GLIPR1L2: variants seen among roughly 807,000 people sequenced by gnomAD.
The protein encoded by GLIPR1L2 is GLIPR1-like protein 2.
In GLIPR1L2, 21 loss-of-function variants were observed where a neutral mutation model predicts 28.4. The ratio of observed to expected loss-of-function variants is 0.74; its 90% CI spans 0.52 to 1.06. The LOEUF (loss-of-function observed/expected upper bound fraction) is 1.06, where lower values mean the gene tolerates loss of function less well. GLIPR1L2 is among the 50% of genes least tolerant of loss of function. GLIPR1L2 has a pLI of 0.00. For synonymous variants in GLIPR1L2, 145 were observed against 139.3 expected (o/e 1.04, Z -0.29); for missense variants, 476 against 416.9 (o/e 1.14, Z -1.23).
At chr12:75,422,798 A>C in intron 3 of GLIPR1L2, 106 bp from the exon 4 acceptor site, 3 of 869,392 alleles carry the variant, frequency 3.5e-6, no homozygotes, top group Non-Finnish European at 5.3e-6. Flanking sequence ...CCAGTTTCTT[A>C]ACCCGCCTTT....
rs961184977 is a variant in GLIPR1L2 at position 75,432,590 on chromosome 12, C to T, written c.*1429C>T. ...ATGGTATAAATGCTATGTGTATTTA[C>T]TCTGTTGTTCTTTAGTTGTATCAAT... On this transcript the variant is annotated 3_prime_UTR_variant, in exon 6 of 6. Transcript: ENST00000550916. The T allele has an allele frequency of 6.6e-6, 1 of 151,360 alleles. No homozygotes were observed. The highest frequency in any genetic ancestry group is 2.4e-5 in the African/African-American group (1 of 41,262). 9.4% of individuals were successfully genotyped at this position (151,360 alleles called of 1,614,324 possible).
At chr12:75,405,675 C>G (rs2045790731) in intron 1 of GLIPR1L2, among the ~76,000 whole-genome samples, 1 of 152,116 alleles carries the variant, frequency 6.6e-6, no homozygotes, top group Middle Eastern at 3.2e-3. Flanking sequence ...AACCCACTTT[C>G]ATGAGAACAG....
Position 75,431,058 on chromosome 12 carries a change from AGGAAAT to A in GLIPR1L2, c.945_950del (p.Met315_Glu316del), listed in dbSNP as rs759382251. On this transcript the variant is annotated inframe_deletion, in exon 6 of 6. Transcript: ENST00000550916. Reference sequence around the variant, plus strand: ...AAAGAGGAAGAGAAGAAAGAGAAAGAGGAAATGGAAATGGAAATAATGGAAATGGAG... The same window carrying A: ...AAAGAGGAAGAGAAGAAAGAGAAAGAGGAAATGGAAATAATGGAAATGGAG... 2.8e-6 allele frequency: 4 copies of A among 1,447,934 alleles called. No homozygotes were observed. Among genetic ancestry groups the A allele is most frequent in the East Asian group, 2.5e-5 (1 of 40,536 alleles). 89.7% of individuals were successfully genotyped at this position (1,447,934 alleles called of 1,614,324 possible). A position where few individuals can be genotyped will look rare whatever the true frequency, so the allele number is the denominator to read the frequency against.
At chr12:75,396,077 C>T (rs767981631) in intron 1 of GLIPR1L2, among the ~76,000 whole-genome samples, 14 of 152,078 alleles carry the variant, frequency 9.2e-5, no homozygotes, top group Non-Finnish European at 2.1e-4. Context: ...GTTGTGTTTT[C>T]ATTTTCATTT....
intron 1 of GLIPR1L2, among the ~76,000 whole-genome samples, chr12:75,405,456 C>T (rs1055231204): frequency 3.3e-5 from 5 of 152,184 alleles, no homozygotes; most frequent in African/African-American, 1.2e-4. Flanking sequence ...CCACCCTGAG[C>T]TTCCACAGCC....
At chr12:75,428,350 G>A (rs2046054957) in intron 4 of GLIPR1L2, among the ~76,000 whole-genome samples, 1 of 152,118 alleles carries the variant, frequency 6.6e-6, no homozygotes, top group South Asian at 2.1e-4. Flanking sequence ...GTATCTGGCA[G>A]GAGAAATTTC....
At chr12:75,412,924 A>G (rs2045884053) in intron 2 of GLIPR1L2, among the ~76,000 whole-genome samples, 1 of 152,130 alleles carries the variant, frequency 6.6e-6, no homozygotes, top group Non-Finnish European at 1.5e-5. Flanking sequence ...TATTCACAAT[A>G]GCAAAGACTT....
Position 75,413,658 on chromosome 12 carries a change from C to T in GLIPR1L2, c.541C>T (p.His181Tyr). 6.4e-7 allele frequency: 1 copy of T among 1,558,924 alleles called. No homozygotes were observed. The highest frequency in any genetic ancestry group is 1.2e-5 in the South Asian group (1 of 80,126). The change falls in exon 3 of 6, where the codon CAT becomes TAT. Residue 181 changes from histidine to tyrosine, a missense_variant. By Grantham distance (83) the His-to-Tyr change is moderately conservative (BLOSUM62 2). Transcript: ENST00000550916. ...TGTTACTCCATGTTCAAAAATTGGA[C>T]ATATTATACATGCAGCAATTTTCAT... Reference protein sequence around the residue: ...CAVTPCSKIGHIIHAAIFICN... With the variant: ...CAVTPCSKIGYIIHAAIFICN...
At chr12:75,413,810 ATACTT>A (rs1356810007) in intron 3 of GLIPR1L2, 109 bp downstream of exon 3, 3 of 492,530 alleles carry the variant, frequency 6.1e-6, no homozygotes, top group Admixed American at 7.7e-5. Flanking sequence ...TAAAATAAAT[ATACTT>A]TACATTGAAA....
chr12:75,413,596 A>G lies in GLIPR1L2; in HGVS notation c.481-2A>G, dbSNP rs1167677130. 6.6e-7 allele frequency: 1 copy of G among 1,524,350 alleles called. No homozygotes were observed. The highest frequency in any genetic ancestry group is 8.8e-7 in the Non-Finnish European group (1 of 1,132,680). The allele number at this position is 1,524,350 out of a possible 1,614,324, so 94.4% of individuals were successfully genotyped here. A position where few individuals can be genotyped will look rare whatever the true frequency, so the allele number is the denominator to read the frequency against. On this transcript the variant is annotated splice_acceptor_variant, in intron 2 of 5. Coordinates refer to ENST00000550916, the MANE Select transcript of GLIPR1L2 (RefSeq NM_001270396.2). LOFTEE classifies it high-confidence loss of function. The stretch of plus-strand genomic sequence containing the variant: ...GTGTCTTTCTTGAAAATTTTATTTT[A>G]GCTTGTTTGGGACCACTCTTACAAA...
intron 2 of GLIPR1L2, 115 bp downstream of exon 2, chr12:75,410,794 A>G: frequency 1.3e-6 from 1 of 779,248 alleles, no homozygotes. Flanking sequence ...CACATTTAAT[A>G]AGATCACAAT....
At position 75,406,776 on chromosome 12, in the gene GLIPR1L2, AG is replaced by A. The variant is rs1566068070; in HGVS notation, c.235-3657del. On this transcript the variant is annotated intron_variant, in intron 1 of 5. Transcript: ENST00000550916. ...CTATCTCAAAAAAAAAAAAAAAAAG[AG>A]AGAGAGAGAGAAAGAGAGAGAGAGA... is the stretch of plus-strand genomic sequence containing the variant. 2.8e-3 allele frequency among the ~76,000 whole-genome samples: 329 copies of A among 119,308 alleles called. 4 individuals are homozygous for A. Among genetic ancestry groups the A allele is most frequent in the Middle Eastern group, 4.8e-3 (1 of 210 alleles). 78.3% of individuals were successfully genotyped at this position (119,308 alleles called of 152,430 possible).
chr12:75,407,560 G>C (rs1199205093), intron 1 of GLIPR1L2, among the ~76,000 whole-genome samples: 1 of 151,998 alleles, frequency 6.6e-6, no homozygotes, highest in African/African-American at 2.4e-5. Context: ...AAATGTCAGG[G>C]AAAATTGTGA....
intron 3 of GLIPR1L2, among the ~76,000 whole-genome samples, chr12:75,419,554 C>T (rs983712824): frequency 3.3e-5 from 5 of 152,020 alleles, no homozygotes; most frequent in Admixed American, 2.6e-4. Flanking sequence ...GTTTCAGGTG[C>T]CAAAGTCTTC....
At chr12:75,414,035 T>C (rs189789679) in intron 3 of GLIPR1L2, among the ~76,000 whole-genome samples, 1 of 152,164 alleles carries the variant, frequency 6.6e-6, no homozygotes, top group East Asian at 1.9e-4. Flanking sequence ...TGTGTTGAAA[T>C]TTATTTAGTA....
At chr12:75,410,340 G>T (rs1185057261) in intron 1 of GLIPR1L2, 94 bp from the exon 2 acceptor site, 41 of 1,199,186 alleles carry the variant, frequency 3.4e-5, no homozygotes, top group Non-Finnish European at 4.5e-5. Flanking sequence ...AGTTAGAATT[G>T]TTTCCTTTAA....
chr12:75,413,638 C>T lies in GLIPR1L2; in HGVS notation c.521C>T (p.Thr174Ile), dbSNP rs769269866. Reference sequence around the variant, plus strand: ...TCTTACAAAGTTGGTTGTGCTGTTACTCCATGTTCAAAAATTGGACATATT... The same window carrying T: ...TCTTACAAAGTTGGTTGTGCTGTTATTCCATGTTCAAAAATTGGACATATT... ...DHSYKVGCAV[T>I]PCSKIGHIIH... Residue 174 changes from threonine to isoleucine, a missense_variant, in exon 3 of 6, where the codon ACT (threonine) becomes ATT (isoleucine). By Grantham distance (89) the Thr-to-Ile change is moderately conservative. Transcript: ENST00000550916. 1.5e-5 allele frequency: 24 copies of T among 1,566,302 alleles called. No homozygotes were observed. The highest frequency in any genetic ancestry group is 2.0e-5 in the Non-Finnish European group (23 of 1,160,322).
chr12:75,420,442 G>C (rs548120926), intron 3 of GLIPR1L2, among the ~76,000 whole-genome samples: 5 of 152,150 alleles, frequency 3.3e-5, no homozygotes, highest in African/African-American at 7.2e-5. Flanking sequence ...CTGTTAGGCC[G>C]CCCAGGTAAC....
chr12:75,418,632 T>G (rs1267347679), intron 3 of GLIPR1L2, among the ~76,000 whole-genome samples: 6 of 152,188 alleles, frequency 3.9e-5, no homozygotes, highest in Non-Finnish European at 8.8e-5. Context: ...AGCTTTGTTC[T>G]TTTTGCTTAG....
Sources: gnomAD v4.1 joint callset for allele counts (sites outside exome capture counted in the v4.1 genomes callset) on GRCh38, gnomAD v4.1.1 for gene constraint, MANE v1.5 for transcripts, NCBI Gene and HGNC (gene_info 2026-07-23, HGNC 2026-07-21) for gene names.